Variants in PLAC1 observed in about 807,000 individuals in gnomAD.
PLAC1 encodes the protein placenta-specific protein 1.
For synonymous variants in PLAC1, 68 were observed against 62.1 expected (o/e 1.09, Z -0.44); for missense variants, 136 against 163.2 (o/e 0.83, Z 0.91).
chrX:134,704,762 G>A (rs965291810), intron 2 of PLAC1, among the ~76,000 whole-genome samples: 3 of 104,115 alleles, frequency 2.9e-5, no homozygotes, highest in African/African-American at 1.0e-4. Flanking sequence ...GGAGGCCAAG[G>A]TGGGCAGATC....
intron 2 of PLAC1, among the ~76,000 whole-genome samples, chrX:134,708,730 G>T (rs1240923973): frequency 3.6e-5 from 4 of 110,176 alleles, no homozygotes; most frequent in African/African-American, 6.6e-5. Flanking sequence ...TAAAGAAAGG[G>T]TTTCCCCATG....
At chrX:134,582,011 C>G (rs1282762521) in intron 2 of PLAC1, among the ~76,000 whole-genome samples, 2 of 112,026 alleles carry the variant, frequency 1.8e-5, no homozygotes, top group African/African-American at 6.5e-5. Context: ...GGTGCTCATT[C>G]TATGGGTTGT....
At chrX:134,731,173 A>G (rs2078687832) in intron 2 of PLAC1, among the ~76,000 whole-genome samples, 1 of 111,998 alleles carries the variant, frequency 8.9e-6, no homozygotes, top group African/African-American at 3.2e-5. Flanking sequence ...TTCACAACCT[A>G]TGCTCTGTGC....
At chrX:134,741,702 GAAA>G (rs60020281) in intron 1 of PLAC1, among the ~76,000 whole-genome samples, 21 of 70,595 alleles carry the variant, frequency 3.0e-4, no homozygotes, top group African/African-American at 8.2e-4. Flanking sequence ...CTCTGTCTTG[GAAA>G]AAAAAAAAAA....
At chrX:134,660,682 A>T (rs1335267263), upstream of PLAC1, among the ~76,000 whole-genome samples, 1 of 112,061 alleles carries the variant, frequency 8.9e-6, no homozygotes, top group Non-Finnish European at 1.9e-5. Context: ...GAGAAGTTCC[A>T]GTAAGTGTCC....
intron 2 of PLAC1, among the ~76,000 whole-genome samples, chrX:134,574,418 C>G (rs1013366614): frequency 8.9e-6 from 1 of 112,247 alleles, no homozygotes; most frequent in Non-Finnish European, 1.9e-5. Flanking sequence ...CCCCTTCCCC[C>G]ACTCCTTCTC....
intron 1 of PLAC1, among the ~76,000 whole-genome samples, chrX:134,760,799 G>A (rs746201332): frequency 9.0e-6 from 1 of 111,465 alleles, no homozygotes; most frequent in African/African-American, 3.3e-5. Flanking sequence ...GCTTGCTTTG[G>A]TCGACAGAAT....
chrX:134,580,695 T>A (rs2077969727), intron 2 of PLAC1, among the ~76,000 whole-genome samples: 1 of 111,557 alleles, frequency 9.0e-6, no homozygotes, highest in Non-Finnish European at 1.9e-5. Flanking sequence ...AGACAGAAAT[T>A]CAAGGGCATT....
chrX:134,743,668 AAGGT>A (rs1461594721), intron 1 of PLAC1, among the ~76,000 whole-genome samples: 1 of 111,769 alleles, frequency 8.9e-6, no homozygotes, highest in African/African-American at 3.3e-5. Flanking sequence ...GGATACAAAT[AAGGT>A]AGCCTCCTGG....
At chrX:134,596,335 C>T (rs758971593) in intron 2 of PLAC1, among the ~76,000 whole-genome samples, 1 of 112,009 alleles carries the variant, frequency 8.9e-6, no homozygotes, top group Non-Finnish European at 1.9e-5. Flanking sequence ...TTTATTTTAT[C>T]ATTGCTGTTC....
chrX:134,578,515 CT>C (rs766626696), intron 2 of PLAC1, among the ~76,000 whole-genome samples: 24 of 55,965 alleles, frequency 4.3e-4, no homozygotes, highest in South Asian at 1.9e-3. Flanking sequence ...TTCTTTCTTT[CT>C]TTTTTTTTTT....
intron 1 of PLAC1, among the ~76,000 whole-genome samples, chrX:134,745,401 A>C (rs2078726943): frequency 8.9e-6 from 1 of 111,780 alleles, no homozygotes; most frequent in Non-Finnish European, 1.9e-5. Context: ...GCTCAGACTA[A>C]TCAGGCTCCA....
At chrX:134,628,575 G>C (rs1387977936) in intron 1 of PLAC1, among the ~76,000 whole-genome samples, 1 of 111,857 alleles carries the variant, frequency 8.9e-6, no homozygotes, top group African/African-American at 3.3e-5. Context: ...TTGGGTGACT[G>C]TTTTACTCCA....
At chrX:134,653,244 G>A in intron 1 of PLAC1, among the ~76,000 whole-genome samples, 1 of 111,961 alleles carries the variant, frequency 8.9e-6, no homozygotes, top group South Asian at 3.8e-4. Flanking sequence ...GGGCCATGTT[G>A]GCAGGCCTGG....
chrX:134,646,423 C>T (rs1569396527), intron 1 of PLAC1, among the ~76,000 whole-genome samples: 2 of 112,548 alleles, frequency 1.8e-5, no homozygotes, highest in South Asian at 3.7e-4. Flanking sequence ...AACTTTCCCT[C>T]CTTTTGGTGC....
chrX:134,590,571 G>C (rs182973930), intron 2 of PLAC1, among the ~76,000 whole-genome samples: 245 of 111,371 alleles, frequency 2.2e-3, no homozygotes, highest in Middle Eastern at 4.7e-3. Context: ...CATAACAGAG[G>C]GATCTAACCT....
intron 2 of PLAC1, among the ~76,000 whole-genome samples, chrX:134,586,243 G>A (rs2077999606): frequency 8.9e-6 from 1 of 111,936 alleles, no homozygotes; most frequent in Non-Finnish European, 1.9e-5. Context: ...GCGAGGGGAG[G>A]AGGAGAGGGC....
intron 1 of PLAC1, among the ~76,000 whole-genome samples, chrX:134,739,286 T>C (rs907464609): frequency 5.3e-5 from 6 of 112,518 alleles, no homozygotes; most frequent in African/African-American, 1.9e-4. Context: ...TTTTGTTAAA[T>C]TGATTTTTTT....
intron 1 of PLAC1, among the ~76,000 whole-genome samples, chrX:134,612,428 T>C (rs1038844673): frequency 2.7e-5 from 3 of 112,197 alleles, no homozygotes; most frequent in Non-Finnish European, 1.9e-5. Flanking sequence ...AGGAAGAGTT[T>C]GTCCTAAATG....
Sources: allele counts gnomAD v4.1 joint callset (sites outside exome capture counted in the v4.1 genomes callset), GRCh38; gene constraint gnomAD v4.1.1; transcripts MANE v1.5; gene names NCBI Gene and HGNC (gene_info 2026-07-23, HGNC 2026-07-21).